Variants in DOCK2 observed in about 807,000 individuals in gnomAD.
DOCK2 encodes the protein dedicator of cytokinesis protein 2.
In DOCK2, 87 loss-of-function variants were observed where a neutral mutation model predicts 248.9. The observed-to-expected ratio is 0.35, with a 90% confidence interval of 0.29 to 0.42. The LOEUF (loss-of-function observed/expected upper bound fraction) is 0.42, where lower values mean the gene tolerates loss of function less well. Ranked by LOEUF, DOCK2 falls within the 10% of genes least tolerant of loss-of-function variation. The pLI is 1.00. For missense variants in DOCK2, 1,747 were observed against 2,300.2 expected, an observed-to-expected ratio of 0.76 and a Z score of 4.92; for synonymous variants, 805 against 821.6, an observed-to-expected ratio of 0.98 and a Z score of 0.35.
Position 170,076,056 on chromosome 5 carries a change from T to C in DOCK2, c.4838T>C (p.Val1613Ala). The change falls in exon 47 of 52, where the codon GTG (valine) becomes GCG (alanine). Residue 1613 changes from valine (V) to alanine (A), a missense_variant. By Grantham distance (64) the Val-to-Ala change is moderately conservative. Coordinates refer to ENST00000520908, the MANE Select transcript of DOCK2 (RefSeq NM_004946.3). ...EECFKNLKMK[V>A]EKEYGVREMP... ...TGTTTCAAGAACCTGAAAATGAAGG[T>C]GGAGAAGGAGTACGGTGTCCGAGAG... 6.2e-7 allele frequency: 1 copy of C among 1,611,124 alleles called. No homozygotes were observed. Among genetic ancestry groups the C allele is most frequent in the Non-Finnish European group, 8.5e-7 (1 of 1,178,880 alleles).
intron 26 of DOCK2, among the ~76,000 whole-genome samples, chr5:169,814,285 G>A (rs959510611): frequency 6.6e-6 from 1 of 152,144 alleles, no homozygotes; most frequent in African/African-American, 2.4e-5. Context: ...TCTCTTCTAT[G>A]GGAATCTTAC....
intron 49 of DOCK2, 53 bp from the exon 50 acceptor site, chr5:170,080,110 T>G: frequency 1.2e-6 from 2 of 1,606,852 alleles, no homozygotes; most frequent in Non-Finnish European, 1.7e-6. Context: ...ATCTGCCTCA[T>G]GCTAAGCCTC....
intron 27 of DOCK2, among the ~76,000 whole-genome samples, chr5:169,945,620 C>A (rs1413581109): frequency 1.3e-5 from 2 of 152,196 alleles, no homozygotes; most frequent in Non-Finnish European, 2.9e-5. Flanking sequence ...GAGCTCACAG[C>A]TACTAACTGG....
At chr5:170,012,334 C>T (rs1016416472) in intron 32 of DOCK2, among the ~76,000 whole-genome samples, 6 of 152,216 alleles carry the variant, frequency 3.9e-5, no homozygotes, top group South Asian at 2.1e-4. Flanking sequence ...AAATAACCAA[C>T]GACCTACGTT....
At position 170,076,072 on chromosome 5, in the gene DOCK2, T is replaced by C. The variant is rs2270900; in HGVS notation, c.4854T>C (p.Gly1618=). 716 of 1,612,686 alleles carry C rather than the reference T, an allele frequency of 4.4e-4. 10 individuals are homozygous for C. The East Asian group carries it at 0.015, about 35-fold the overall frequency. The change falls in exon 47 of 52, where the codon GGT becomes GGC. Residue 1618 remains glycine, a synonymous_variant. Coordinates refer to ENST00000520908, the MANE Select transcript of DOCK2 (RefSeq NM_004946.3). ...AAATGAAGGTGGAGAAGGAGTACGGTGTCCGAGAGATGGTATGGGTGGTTC... is the reference window on the plus strand; with the variant it reads ...AAATGAAGGTGGAGAAGGAGTACGGCGTCCGAGAGATGGTATGGGTGGTTC... ...NLKMKVEKEY[G]VREMPDFDDR... is the part of the protein sequence containing the mutation.
At chr5:169,698,325 T>C (rs202097525) in intron 10 of DOCK2, 49 bp from the exon 11 acceptor site, 27 of 1,591,072 alleles carry the variant, frequency 1.7e-5, no homozygotes, top group Non-Finnish European at 2.2e-5. Flanking sequence ...TCATCCCTTA[T>C]GGGAACAGGA....
intron 23 of DOCK2, among the ~76,000 whole-genome samples, chr5:169,748,431 G>T (rs568958110): frequency 7.9e-5 from 12 of 152,270 alleles, no homozygotes; most frequent in Admixed American, 7.8e-4. Flanking sequence ...TAATTGGTAT[G>T]GAGTGTGACC....
At chr5:169,661,789 TCTC>T (rs1353302719) in intron 2 of DOCK2, among the ~76,000 whole-genome samples, 2 of 152,242 alleles carry the variant, frequency 1.3e-5, no homozygotes, top group African/African-American at 4.8e-5. Context: ...AATGGCAAGA[TCTC>T]CTCCTTTTTA....
At chr5:170,053,024 G>A (rs1185657114) in intron 41 of DOCK2, among the ~76,000 whole-genome samples, 2 of 152,184 alleles carry the variant, frequency 1.3e-5, no homozygotes, top group Non-Finnish European at 2.9e-5. Flanking sequence ...TCTCACTTAG[G>A]TATCCAAGTA....
At chr5:170,080,399 G>A in intron 50 of DOCK2, 116 bp downstream of exon 50, 1 of 1,497,886 alleles carries the variant, frequency 6.7e-7, no homozygotes, top group East Asian at 2.3e-5. Context: ...AGGCATCCTG[G>A]AGTGAGAGGC....
rs1755163507 is a variant in DOCK2 at position 170,008,757 on chromosome 5, A to G, written c.3232+11A>G. On this transcript the variant is annotated intron_variant, in intron 32 of 51. Transcript: ENST00000520908. ...TGTGGTACAAGCTTGGTGAGTAGGC[A>G]CACACATCCAGATACTCACATCTGC... 6.2e-7 allele frequency: 1 copy of G among 1,613,798 alleles called. No homozygotes were observed. Among genetic ancestry groups the G allele is most frequent in the African/African-American group, 1.3e-5 (1 of 74,880 alleles).
rs1349235495 is a variant in DOCK2, at chr5:170,083,356, T to TAAAAA, written c.*500_*504dup. 1 of 152,808 alleles carries TAAAAA rather than the reference T, an allele frequency of 6.5e-6. No individual in the cohort carries two copies. Among genetic ancestry groups the TAAAAA allele is most frequent in the Non-Finnish European group, 1.5e-5 (1 of 68,496 alleles). 9.5% of individuals were successfully genotyped at this position (152,808 alleles called of 1,614,324 possible). A position where few individuals can be genotyped will look rare whatever the true frequency, so the allele number is the denominator to read the frequency against. On this transcript the variant is annotated 3_prime_UTR_variant, in exon 52 of 52. Transcript: ENST00000520908. ...AAGAGTTGCTGTTTCTTACTGACAATAAAAAATGTTCTCTTGGTTCGAATA... is the reference window on the plus strand; with the variant it reads ...AAGAGTTGCTGTTTCTTACTGACAATAAAAAAAAAAATGTTCTCTTGGTTCGAATA...
intron 41 of DOCK2, among the ~76,000 whole-genome samples, chr5:170,052,657 A>G (rs1279890517): frequency 6.6e-6 from 1 of 152,228 alleles, no homozygotes; most frequent in African/African-American, 2.4e-5. Flanking sequence ...CTTGAACCCC[A>G]TGATCTGTCT....
At chr5:169,912,299 G>A (rs1400077071) in intron 27 of DOCK2, among the ~76,000 whole-genome samples, 7 of 152,058 alleles carry the variant, frequency 4.6e-5, no homozygotes, top group East Asian at 1.9e-4. Context: ...AGCCCAAGCC[G>A]TTATTTATGT....
intron 23 of DOCK2, among the ~76,000 whole-genome samples, chr5:169,755,871 C>T (rs10037705): frequency 0.091 from 13,859 of 152,228 alleles, 810 homozygotes; most frequent in African/African-American, 0.17. Flanking sequence ...CTTCTGGGAG[C>T]GTTTGGTGCT....
intron 26 of DOCK2, among the ~76,000 whole-genome samples, chr5:169,824,634 G>A (rs1427099921): frequency 6.6e-6 from 1 of 152,112 alleles, no homozygotes; most frequent in African/African-American, 2.4e-5. Context: ...AAGATGGTTT[G>A]AAGACTTAAA....
intron 27 of DOCK2, among the ~76,000 whole-genome samples, chr5:169,849,332 T>C (rs1770493785): frequency 6.6e-6 from 1 of 152,222 alleles, no homozygotes; most frequent in South Asian, 2.1e-4. Context: ...ACCACACAGC[T>C]TGTTAGTGGA....
chr5:170,042,172 A>G, intron 38 of DOCK2, 40 bp downstream of exon 38: 4 of 1,565,738 alleles, frequency 2.6e-6, no homozygotes, highest in Non-Finnish European at 3.5e-6. Context: ...GACCCTGGCC[A>G]CTGGAAGGAT....
At chr5:170,030,797 C>T (rs1233610727) in intron 34 of DOCK2, among the ~76,000 whole-genome samples, 6 of 152,236 alleles carry the variant, frequency 3.9e-5, no homozygotes. Flanking sequence ...GTTCCTCCAG[C>T]CTTTCCTCCC....
Sources: allele counts gnomAD v4.1 joint callset (sites outside exome capture counted in the v4.1 genomes callset), GRCh38; gene constraint gnomAD v4.1.1; transcripts MANE v1.5; gene names NCBI Gene and HGNC (gene_info 2026-07-23, HGNC 2026-07-21).